Variants in C10orf67 observed in about 807,000 individuals in gnomAD.
C10orf67 encodes chromosome 10 open reading frame 67.
A neutral mutation model predicts 35.6 loss-of-function variants in C10orf67; 60 were observed. The ratio of observed to expected loss-of-function variants is 1.68; its 90% CI spans 1.37 to 2.09. The LOEUF is 2.09. Ranked by LOEUF, C10orf67 falls within the 30% of genes most tolerant of loss-of-function variation. The probability of loss-of-function intolerance (pLI) is 0.00; values close to 1 mark genes in which losing one functional copy is unlikely to be tolerated. For synonymous variants in C10orf67, 167 were observed against 115.8 expected, an observed-to-expected ratio of 1.44 and a Z score of -2.84; for missense variants, 474 against 330.2, an observed-to-expected ratio of 1.44 and a Z score of -3.38.
chr10:23,236,118 A>G (rs1347085599), intron 13 of C10orf67, among the ~76,000 whole-genome samples: 1 of 152,050 alleles, frequency 6.6e-6, no homozygotes, highest in Non-Finnish European at 1.5e-5. Flanking sequence ...GCTTGGTGGC[A>G]GGCACCTGTA....
intron 4 of C10orf67, among the ~76,000 whole-genome samples, chr10:23,303,768 A>G (rs1353599895): frequency 6.6e-6 from 1 of 152,238 alleles, no homozygotes; most frequent in Admixed American, 6.5e-5. Context: ...AAAGAGCGAG[A>G]TGGAAGATTA....
chr10:23,221,056 C>A (rs1317310538), intron 15 of C10orf67, among the ~76,000 whole-genome samples: 1 of 152,086 alleles, frequency 6.6e-6, no homozygotes, highest in African/African-American at 2.4e-5. Context: ...TGTATTAGTC[C>A]ATTCTCATGC....
rs35270797 is a variant in C10orf67, at chr10:23,269,230, A to G, written c.976-1976T>C. Among the ~76,000 whole-genome samples the G allele has an allele frequency of 3.2e-3, 487 of 152,330 alleles. 14 individuals carry two copies. In the East Asian group the frequency reaches 0.05, roughly 15 times the overall value. On this transcript the variant is annotated intron_variant, in intron 8 of 15. Transcript: ENST00000636213. ...TATGACACTGGTATAAATATAAAAC[A>G]TATGACAACTGTAACATGATGAATG...
chr10:23,218,259 G>C (rs1841482463), intron 15 of C10orf67, among the ~76,000 whole-genome samples: 1 of 151,470 alleles, frequency 6.6e-6, no homozygotes, highest in Non-Finnish European at 1.5e-5. Flanking sequence ...TCCCACCTCA[G>C]CTTCCCTAGT....
intron 7 of C10orf67, among the ~76,000 whole-genome samples, chr10:23,288,652 C>A (rs1843618510): frequency 2.0e-5 from 3 of 152,118 alleles, no homozygotes; most frequent in Non-Finnish European, 4.4e-5. Flanking sequence ...ATGGCAATAT[C>A]AGGCCTGGCT....
At chr10:23,323,498 A>AT (rs1564513247) in intron 2 of C10orf67, among the ~76,000 whole-genome samples, 5 of 152,000 alleles carry the variant, frequency 3.3e-5, no homozygotes. Flanking sequence ...TAAAAAAAAA[A>AT]TTTATTCTCT....
intron 7 of C10orf67, among the ~76,000 whole-genome samples, chr10:23,282,924 A>T: frequency 6.6e-6 from 1 of 151,000 alleles, no homozygotes; most frequent in African/African-American, 2.4e-5. Flanking sequence ...TGGGAAGGGT[A>T]GTGAGGGGTG....
At chr10:23,292,062 C>T (rs924261913) in intron 5 of C10orf67, among the ~76,000 whole-genome samples, 2 of 150,680 alleles carry the variant, frequency 1.3e-5, no homozygotes, top group Non-Finnish European at 3.0e-5. Context: ...AACTCATTTA[C>T]ATTTTTATTA....
chr10:23,222,840 C>T (rs1311950036), intron 15 of C10orf67, among the ~76,000 whole-genome samples: 1 of 152,096 alleles, frequency 6.6e-6, no homozygotes, highest in Admixed American at 6.6e-5. Context: ...CCTGTTGTCC[C>T]AGCTACTCAG....
At chr10:23,324,358 T>C (rs2132351561) in intron 2 of C10orf67, among the ~76,000 whole-genome samples, 1 of 152,134 alleles carries the variant, frequency 6.6e-6, no homozygotes, top group East Asian at 1.9e-4. Context: ...ACCTCTTTCT[T>C]CTCCCTGCTG....
chr10:23,289,469 A>G (rs965505515), intron 7 of C10orf67, among the ~76,000 whole-genome samples: 2 of 152,188 alleles, frequency 1.3e-5, no homozygotes, highest in Non-Finnish European at 2.9e-5. Flanking sequence ...CCACCTTGGA[A>G]ATCTTGATTT....
intron 5 of C10orf67, among the ~76,000 whole-genome samples, chr10:23,301,330 G>T (rs571412346): frequency 4.6e-4 from 70 of 152,112 alleles, no homozygotes; most frequent in Non-Finnish European, 9.0e-4. Context: ...CAACCCAGAA[G>T]TGTTGGGGGT....
Position 23,226,969 on chromosome 10 carries a change from G to C in C10orf67, c.1435-3151C>G, listed in dbSNP as rs1297473051. Among the ~76,000 whole-genome samples, 6 of 152,156 alleles carry C rather than the reference G, an allele frequency of 3.9e-5. No homozygotes were observed. The East Asian group carries it at 1.2e-3, about 29-fold the overall frequency. On this transcript the variant is annotated intron_variant, in intron 13 of 15. Coordinates refer to ENST00000636213, the MANE Select transcript of C10orf67 (RefSeq NM_001371909.1). ...ATTAATAGCCTTCCAACCAAAAAAA[G>C]TCCAGGACCAGACGGATTCACAGCC...
At chr10:23,242,476 A>T (rs1273152205) in intron 12 of C10orf67, among the ~76,000 whole-genome samples, 1 of 152,248 alleles carries the variant, frequency 6.6e-6, no homozygotes, top group African/African-American at 2.4e-5. Flanking sequence ...ATTTCAGATG[A>T]AAACACAATA....
At chr10:23,278,050 A>G (rs1487517400) in intron 8 of C10orf67, among the ~76,000 whole-genome samples, 1 of 152,204 alleles carries the variant, frequency 6.6e-6, no homozygotes, top group African/African-American at 2.4e-5. Context: ...TAGTGAAGAC[A>G]GTATCATGGG....
intron 5 of C10orf67, among the ~76,000 whole-genome samples, chr10:23,302,392 C>T (rs1844108162): frequency 6.6e-6 from 1 of 152,142 alleles, no homozygotes; most frequent in African/African-American, 2.4e-5. Context: ...TTACCATCTA[C>T]TACGTTTGCC....
At chr10:23,261,305 G>C (rs1842742473) in intron 10 of C10orf67, among the ~76,000 whole-genome samples, 1 of 152,146 alleles carries the variant, frequency 6.6e-6, no homozygotes, top group Admixed American at 6.5e-5. Flanking sequence ...TCCTCAAACT[G>C]TTTTTAAGAC....
chr10:23,262,088 A>AG (rs1429428307), intron 10 of C10orf67, among the ~76,000 whole-genome samples: 1 of 152,154 alleles, frequency 6.6e-6, no homozygotes, highest in Non-Finnish European at 1.5e-5. Flanking sequence ...CAGCATCTAG[A>AG]GGGGTGCAGC....
chr10:23,305,941 A>G (rs1844256928), intron 4 of C10orf67, among the ~76,000 whole-genome samples: 1 of 152,000 alleles, frequency 6.6e-6, no homozygotes, highest in Admixed American at 6.6e-5. Context: ...CCATCAACAG[A>G]TGAATGAAGA....
Sources: allele counts gnomAD v4.1 joint callset (sites outside exome capture counted in the v4.1 genomes callset), GRCh38; gene constraint gnomAD v4.1.1; transcripts MANE v1.5; gene names NCBI Gene and HGNC (gene_info 2026-07-23, HGNC 2026-07-21).